Variants in SIK3 observed in about 807,000 individuals in gnomAD.
SIK3 encodes serine/threonine-protein kinase SIK3.
Under a neutral mutation model 144.2 loss-of-function variants are expected in SIK3, and 28 were observed. The ratio of observed to expected loss-of-function variants is 0.19; its 90% CI spans 0.14 to 0.27. The LOEUF (loss-of-function observed/expected upper bound fraction) is 0.27, where lower values mean the gene tolerates loss of function less well. SIK3 is among the 10% of genes least tolerant of loss of function. SIK3 has a pLI of 1.00. For missense variants in SIK3, 1,319 were observed against 1,776.0 expected, an observed-to-expected ratio of 0.74 and a Z score of 4.62; for synonymous variants, 686 against 676.3, an observed-to-expected ratio of 1.01 and a Z score of -0.22.
At position 116,990,209 on chromosome 11, in the gene SIK3, C is replaced by T. The variant is rs967630836; in HGVS notation, c.274-33145G>A. ...CCAATACCAATCACTGTTGTGATCC[C>T]GCCTAGCCAACTACCAGCAAGTCTG... is the stretch of plus-strand genomic sequence containing the variant. On this transcript the variant is annotated intron_variant, in intron 1 of 24. Transcript: ENST00000445177. 4.6e-5 allele frequency among the ~76,000 whole-genome samples: 7 copies of T among 152,278 alleles called. No homozygotes were observed. The East Asian group carries it at 9.6e-4, about 21-fold the overall frequency.
At position 116,960,002 on chromosome 11, in the gene SIK3, A is replaced by C. The variant is rs12278369; in HGVS notation, c.274-2938T>G. Among the ~76,000 whole-genome samples, 1,178 of 152,322 alleles carry C rather than the reference A, an allele frequency of 7.7e-3. 15 individuals carry two copies. Among genetic ancestry groups the C allele is most frequent in the African/African-American group, 0.024 (1,009 of 41,582 alleles). ...CTAATTACCCTGATTTGATCATTAC[A>C]TGTTGTATCCATGCAGCAAAATATC... On this transcript the variant is annotated intron_variant, in intron 1 of 24. Coordinates refer to ENST00000445177, the MANE Select transcript of SIK3 (RefSeq NM_001366686.3).
chr11:116,855,916 A>G (rs1316272319), intron 21 of SIK3, among the ~76,000 whole-genome samples: 2 of 152,230 alleles, frequency 1.3e-5, no homozygotes, highest in Non-Finnish European at 2.9e-5. Flanking sequence ...ATGTGAGCTC[A>G]GCCGGGCGCG....
intron 1 of SIK3, among the ~76,000 whole-genome samples, chr11:117,092,043 C>G (rs7946219): frequency 3.3e-5 from 5 of 151,670 alleles, no homozygotes; most frequent in Non-Finnish European, 7.4e-5. Flanking sequence ...TCATGCCCCC[C>G]CAAAGCACTG....
intron 1 of SIK3, among the ~76,000 whole-genome samples, chr11:117,087,600 C>T (rs1565631040): frequency 6.6e-6 from 1 of 152,124 alleles, no homozygotes; most frequent in Non-Finnish European, 1.5e-5. Flanking sequence ...AGCCCTACAC[C>T]CCCAAGCCAA....
At chr11:117,063,745 T>C (rs1028865646) in intron 1 of SIK3, among the ~76,000 whole-genome samples, 2 of 151,936 alleles carry the variant, frequency 1.3e-5, no homozygotes, top group African/African-American at 2.4e-5. Context: ...ATTTTTTGTA[T>C]TTTTAGTAGA....
intron 18 of SIK3, 35 bp from the exon 19 acceptor site, chr11:116,861,418 TCC>T: frequency 6.9e-7 from 1 of 1,455,000 alleles, no homozygotes; most frequent in Non-Finnish European, 9.5e-7. Context: ...CAAAGAAGCT[TCC>T]TAAGGTGACA....
intron 1 of SIK3, among the ~76,000 whole-genome samples, chr11:116,966,660 A>T (rs1474651359): frequency 6.8e-6 from 1 of 147,550 alleles, no homozygotes; most frequent in Non-Finnish European, 1.5e-5. Context: ...CAACTTATAG[A>T]AATATTTTGA....
At chr11:116,873,428 C>G in intron 13 of SIK3, 53 bp downstream of exon 13, 1 of 1,613,426 alleles carries the variant, frequency 6.2e-7, no homozygotes, top group Non-Finnish European at 8.5e-7. Flanking sequence ...GGCTCACAAC[C>G]TTTTTATCAA....
intron 3 of SIK3, among the ~76,000 whole-genome samples, chr11:116,953,417 T>C (rs148685126): frequency 1.7e-3 from 253 of 152,298 alleles, no homozygotes; most frequent in Non-Finnish European, 2.8e-3. Flanking sequence ...TTTATCACTG[T>C]TAGAAAAAAA....
intron 1 of SIK3, among the ~76,000 whole-genome samples, chr11:117,057,078 A>G (rs752965744): frequency 5.9e-5 from 9 of 152,224 alleles, no homozygotes; most frequent in Non-Finnish European, 8.8e-5. Context: ...GTTTCCCTCA[A>G]TGGAGACATC....
chr11:116,998,244 G>C (rs1471314611), intron 1 of SIK3, among the ~76,000 whole-genome samples: 1 of 151,932 alleles, frequency 6.6e-6, no homozygotes, highest in Non-Finnish European at 1.5e-5. Context: ...GGCTGAGGCA[G>C]GCAGATCACA....
intron 1 of SIK3, among the ~76,000 whole-genome samples, chr11:117,007,663 T>G (rs1951100046): frequency 6.6e-6 from 1 of 152,238 alleles, no homozygotes; most frequent in Non-Finnish European, 1.5e-5. Flanking sequence ...ACAATTAATG[T>G]TATGGAGTGT....
At chr11:116,917,827 G>GAAGGGAAGGAAAGGA (rs1555094949) in intron 4 of SIK3, among the ~76,000 whole-genome samples, 4 of 104,952 alleles carry the variant, frequency 3.8e-5, no homozygotes, top group Non-Finnish European at 7.4e-5. Flanking sequence ...GAAGAAGAAG[G>GAAGGGAAGGAAAGGA]AAGGAAAGGA....
At chr11:116,997,132 T>C (rs531731977) in intron 1 of SIK3, among the ~76,000 whole-genome samples, 14 of 152,308 alleles carry the variant, frequency 9.2e-5, no homozygotes, top group African/African-American at 3.4e-4. Flanking sequence ...TGGCCATTAT[T>C]ATTAGATTAC....
intron 1 of SIK3, among the ~76,000 whole-genome samples, chr11:117,029,424 T>C (rs758157040): frequency 6.6e-6 from 1 of 152,054 alleles, no homozygotes; most frequent in Non-Finnish European, 1.5e-5. Context: ...ACCACTGCAC[T>C]CTAGCCTGAG....
intron 1 of SIK3, among the ~76,000 whole-genome samples, chr11:117,048,012 C>A (rs1953044210): frequency 6.6e-6 from 1 of 152,076 alleles, no homozygotes. Flanking sequence ...AAATCTTATT[C>A]TTTCTCTCCA....
At chr11:116,961,072 G>A (rs1175061821) in intron 1 of SIK3, among the ~76,000 whole-genome samples, 1 of 152,180 alleles carries the variant, frequency 6.6e-6, no homozygotes, top group Admixed American at 6.5e-5. Context: ...AAAAATAAAC[G>A]CATTCCATTC....
chr11:117,096,950 C>T (rs1320668), intron 1 of SIK3, among the ~76,000 whole-genome samples: 128,754 of 152,146 alleles, frequency 0.85, 55,066 homozygotes, highest in Non-Finnish European at 0.89. Flanking sequence ...ATTCCTCAGG[C>T]TGAGGGAAAA....
chr11:116,972,656 TAAATA>T (rs1447170776), intron 1 of SIK3, among the ~76,000 whole-genome samples: 2 of 152,170 alleles, frequency 1.3e-5, no homozygotes, highest in Non-Finnish European at 2.9e-5. Context: ...TACTCAAAAT[TAAATA>T]TTCTCTTCAG....
Sources: allele counts gnomAD v4.1 joint callset (sites outside exome capture counted in the v4.1 genomes callset), GRCh38; gene constraint gnomAD v4.1.1; transcripts MANE v1.5; gene names NCBI Gene and HGNC (gene_info 2026-07-23, HGNC 2026-07-21).